Variants in TRMT44 observed in about 807,000 individuals in gnomAD.
TRMT44 encodes the protein probable tRNA (uracil-O(2)-)-methyltransferase.
A neutral mutation model predicts 77.3 loss-of-function variants in TRMT44; 78 were observed. That is an observed-to-expected ratio of 1.01 (90% CI 0.84 to 1.22). The LOEUF (loss-of-function observed/expected upper bound fraction) is 1.22, where lower values mean the gene tolerates loss of function less well. Ranked by LOEUF, TRMT44 falls within the 50% of genes most tolerant of loss-of-function variation. TRMT44 has a pLI of 0.00. For synonymous variants in TRMT44, 391 were observed against 383.3 expected (o/e 1.02, Z -0.23); for missense variants, 1,090 against 964.4 (o/e 1.13, Z -1.73).
chr4:8,480,018 C>T (rs946497110), downstream of TRMT44, among the ~76,000 whole-genome samples: 3 of 152,022 alleles, frequency 2.0e-5, no homozygotes, highest in Admixed American at 1.3e-4. Context: ...GTAGCTGGGA[C>T]CACAGGCACG....
the TRMT44 span, chr4:8,509,947 G>A: frequency 0.018 from 2,667 of 152,382 alleles, 30 homozygotes; most frequent in Non-Finnish European, 0.028. Flanking sequence ...CAAGGGGGTG[G>A]CCAGGTGGGG....
At chr4:8,460,112 C>T (rs73798900) in intron 6 of TRMT44, among the ~76,000 whole-genome samples, 25 of 152,304 alleles carry the variant, frequency 1.6e-4, no homozygotes, top group African/African-American at 5.8e-4. Context: ...CTTGCTTCTC[C>T]TGGTACTGAG....
intron 6 of TRMT44, 102 bp downstream of exon 6, chr4:8,454,915 C>G (rs1725704738): frequency 9.7e-7 from 1 of 1,031,848 alleles, no homozygotes; most frequent in African/African-American, 1.6e-5. Context: ...AGCAGACATG[C>G]TGATAGTAAA....
intron 7 of TRMT44, among the ~76,000 whole-genome samples, chr4:8,465,135 T>C (rs1726439052): frequency 6.6e-6 from 1 of 152,294 alleles, no homozygotes; most frequent in South Asian, 2.1e-4. Context: ...GCTTGGGTCA[T>C]GGGGTCTGTC....
intron 8 of TRMT44, 74 bp from the exon 9 acceptor site, chr4:8,467,840 A>ATG: frequency 7.0e-7 from 1 of 1,435,984 alleles, no homozygotes; most frequent in South Asian, 1.4e-5. Flanking sequence ...GTACTCCAGG[A>ATG]TGAGAGAATT....
At position 8,440,863 on chromosome 4, in the gene TRMT44, C is replaced by T. The variant is rs754040852; in HGVS notation, c.41C>T (p.Ala14Val). ...CGTACCGGGATCAGCTACCCAGGCG[C>T]GCTTCTCCCACAGGGCTTCTGGGCT... ...VGRTGISYPG[A>V]LLPQGFWAAV... Residue 14 changes from alanine (A) to valine (V), a missense_variant, in exon 1 of 11, where the codon GCG (alanine) becomes GTG (valine). Ala to Val is a moderately conservative substitution (Grantham distance 64). Coordinates refer to ENST00000389737, the MANE Select transcript of TRMT44 (RefSeq NM_152544.3). 6.6e-7 allele frequency: 1 copy of T among 1,518,972 alleles called. No individual in the cohort carries two copies. Among genetic ancestry groups the T allele is most frequent in the Non-Finnish European group, 8.8e-7 (1 of 1,139,864 alleles). 94.1% of individuals were successfully genotyped at this position (1,518,972 alleles called of 1,614,324 possible). A position where few individuals can be genotyped will look rare whatever the true frequency, so the allele number is the denominator to read the frequency against.
At chr4:8,457,237 C>G (rs2109124438) in intron 6 of TRMT44, among the ~76,000 whole-genome samples, 1 of 152,250 alleles carries the variant, frequency 6.6e-6, no homozygotes, top group South Asian at 2.1e-4. Flanking sequence ...ATGATCAGGA[C>G]TGCCCTTATC....
At chr4:8,506,088 A>T in the TRMT44 span, among the ~76,000 whole-genome samples, 30 of 152,348 alleles carry the variant, frequency 2.0e-4, 1 homozygote, top group African/African-American at 7.0e-4. Context: ...ATAGTTGGGG[A>T]CGAGGGCTGT....
chr4:8,457,491 G>C (rs990797723), intron 6 of TRMT44, among the ~76,000 whole-genome samples: 2 of 152,140 alleles, frequency 1.3e-5, no homozygotes, highest in African/African-American at 4.8e-5. Flanking sequence ...TGGTCTGCTT[G>C]ACCCCAAACA....
At chr4:8,511,342 C>T in the TRMT44 span, among the ~76,000 whole-genome samples, 3 of 152,196 alleles carry the variant, frequency 2.0e-5, no homozygotes, top group African/African-American at 7.2e-5. Context: ...CCGTGGTGGT[C>T]TGCACTTGCA....
intron 2 of TRMT44, chr4:8,482,492 A>G (rs1183209003): frequency 6.6e-6 from 1 of 152,228 alleles, no homozygotes; most frequent in African/African-American, 2.4e-5. Flanking sequence ...TGAGTCCAAA[A>G]AGAGAGTCAG....
chr4:8,504,994 C>T, the TRMT44 span, among the ~76,000 whole-genome samples: 20 of 152,172 alleles, frequency 1.3e-4, no homozygotes, highest in Admixed American at 1.2e-3. The surrounding 1 kb of genome is among the most constrained non-coding windows in gnomAD (Gnocchi z 5.3). Context: ...CCCTCCCCTG[C>T]ATGCTGCCCC....
chr4:8,475,223 G>T (rs906106193), intron 10 of TRMT44, among the ~76,000 whole-genome samples: 1 of 152,230 alleles, frequency 6.6e-6, no homozygotes, highest in Admixed American at 6.5e-5. Flanking sequence ...CTTTCTGCCC[G>T]TAATGCTGAC....
At chr4:8,502,949 A>G in the TRMT44 span, among the ~76,000 whole-genome samples, 1 of 152,320 alleles carries the variant, frequency 6.6e-6, no homozygotes, top group African/African-American at 2.4e-5. Flanking sequence ...CACACAACAG[A>G]CACAGGCACA....
At chr4:8,445,230 G>T (rs995635305) in intron 1 of TRMT44, among the ~76,000 whole-genome samples, 1 of 152,228 alleles carries the variant, frequency 6.6e-6, no homozygotes, top group Non-Finnish European at 1.5e-5. Flanking sequence ...GGTTTCAAGT[G>T]AGCCTCGCAC....
In TRMT44 at chr4:8,454,786, C is replaced by T. The variant is rs1358506210; in HGVS notation, c.1176C>T (p.Asp392=). ...GIDVRRRKIW[D]MYGPQTQLEE... Reference sequence around the variant, plus strand: ...ATGTCCGAAGAAGAAAAATCTGGGACATGTATGGACCACAAACTCAGTTAG... The same window carrying T: ...ATGTCCGAAGAAGAAAAATCTGGGATATGTATGGACCACAAACTCAGTTAG... The change falls in exon 6 of 11, where the codon GAC becomes GAT. Residue 392 remains aspartate, a synonymous_variant. Coordinates refer to ENST00000389737, the MANE Select transcript of TRMT44 (RefSeq NM_152544.3). 1 of 1,614,096 alleles carries T rather than the reference C, an allele frequency of 6.2e-7. No homozygotes were observed. Among genetic ancestry groups the T allele is most frequent in the African/African-American group, 1.3e-5 (1 of 74,926 alleles).
At chr4:8,448,532 G>T (rs577045746) in intron 2 of TRMT44, among the ~76,000 whole-genome samples, 1 of 152,354 alleles carries the variant, frequency 6.6e-6, no homozygotes, top group African/African-American at 2.4e-5. Flanking sequence ...GGAAGAGCAT[G>T]AGGCCCAGGG....
chr4:8,440,830 A>G lies in TRMT44; in HGVS notation c.8A>G (p.Glu3Gly). Residue 3 changes from glutamate (E) to glycine (G), a missense_variant, in exon 1 of 11, where the codon GAG becomes GGG. Glu to Gly is a moderately conservative substitution (Grantham distance 98, BLOSUM62 -2). Transcript: ENST00000389737. ...GTACACCTGCTGGCTGCCATGGCTG[A>G]GGTGGGCCGTACCGGGATCAGCTAC... MA[E>G]VGRTGISYPG... is the part of the protein sequence containing the mutation. 2.0e-6 allele frequency: 3 copies of G among 1,483,890 alleles called. No individual in the cohort carries two copies. Among genetic ancestry groups the G allele is most frequent in the South Asian group, 1.3e-5 (1 of 77,276 alleles). 91.9% of individuals were successfully genotyped at this position (1,483,890 alleles called of 1,614,324 possible). A position where few individuals can be genotyped will look rare whatever the true frequency, so the allele number is the denominator to read the frequency against.
intron 2 of TRMT44, among the ~76,000 whole-genome samples, chr4:8,483,454 A>G (rs1367123139): frequency 1.3e-5 from 2 of 152,084 alleles, no homozygotes; most frequent in Non-Finnish European, 2.9e-5. Flanking sequence ...TGGTGTCTGG[A>G]ATGAGACTGG....
Sources: gnomAD v4.1 joint callset for allele counts (sites outside exome capture counted in the v4.1 genomes callset) on GRCh38, gnomAD v4.1.1 for gene constraint, Gnocchi (gnomAD v3.1) non-coding constraint, MANE v1.5 for transcripts, NCBI Gene and HGNC (gene_info 2026-07-23, HGNC 2026-07-21) for gene names.